ITPRID2: variants seen among roughly 807,000 people sequenced by gnomAD.
The protein encoded by ITPRID2 is ITPR interacting domain containing 2, also known as protein ITPRID2.
In ITPRID2, 60 loss-of-function variants were observed where a neutral mutation model predicts 124.3. The observed-to-expected ratio is 0.48, with a 90% CI of 0.39 to 0.60. The LOEUF is 0.60. ITPRID2 is among the 20% of genes least tolerant of loss of function. ITPRID2 has a pLI of 0.00. For synonymous variants in ITPRID2, 521 were observed against 542.9 expected (o/e 0.96, Z 0.56); for missense variants, 1,553 against 1,512.2 (o/e 1.03, Z -0.45).
rs773282676 is a variant in ITPRID2 at position 181,919,277 on chromosome 2, C to T, written c.2994-19C>T. 18 of 1,613,004 alleles carry T rather than the reference C, an allele frequency of 1.1e-5. No homozygotes were observed. The highest frequency in any genetic ancestry group is 3.3e-5 in the Admixed American group (2 of 59,948). On this transcript the variant is annotated intron_variant, in intron 13 of 17. Transcript: ENST00000431877. This position sits in a 1 kb window ranked among gnomAD's most constrained non-coding sequence, Gnocchi z 4.2. Reference sequence around the variant, plus strand: ...CAAACTGCATTTTTCCAATTTTGTGCCCTTCACCATACCAATAGGTTTGAA... The same window carrying T: ...CAAACTGCATTTTTCCAATTTTGTGTCCTTCACCATACCAATAGGTTTGAA...
At chr2:181,929,130 C>T (rs1451037285) in intron 17 of ITPRID2, among the ~76,000 whole-genome samples, 2 of 151,180 alleles carry the variant, frequency 1.3e-5, no homozygotes, top group Non-Finnish European at 2.9e-5. Flanking sequence ...GCTATGTTGC[C>T]CACGCTAGTC....
Position 181,898,904 on chromosome 2 carries a change from CTCAAATTGAAA to C in ITPRID2, c.390_400del (p.Gln131LeufsTer3). ...GCCAACCACCTCCATGAAAGTGATG[CTCAAATTGAAA>C]ACTGGTATGTAGCTGTTTTGTTCTA... On this transcript the variant is annotated frameshift_variant, in exon 5 of 18. Coordinates refer to ENST00000431877, the MANE Select transcript of ITPRID2 (RefSeq NM_001130445.3). LOFTEE classifies it high-confidence loss of function. 6.2e-7 allele frequency: 1 copy of C among 1,611,888 alleles called. No individual in the cohort carries two copies. Among genetic ancestry groups the C allele is most frequent in the Non-Finnish European group, 8.5e-7 (1 of 1,178,206 alleles).
intron 15 of ITPRID2, among the ~76,000 whole-genome samples, chr2:181,921,051 A>G (rs1008694529): frequency 5.3e-5 from 8 of 152,178 alleles, no homozygotes; most frequent in African/African-American, 1.9e-4. Flanking sequence ...AGGCATGGTG[A>G]TATGTGCCTG....
chr2:181,913,759 G>A (rs1693810010), intron 9 of ITPRID2, 86 bp from the exon 10 acceptor site: 2 of 862,452 alleles, frequency 2.3e-6, no homozygotes, highest in Admixed American at 5.3e-5. Context: ...TATCTCTGTA[G>A]TAATATTGCT....
At chr2:181,909,651 A>G (rs1693443642) in intron 8 of ITPRID2, among the ~76,000 whole-genome samples, 1 of 152,194 alleles carries the variant, frequency 6.6e-6, no homozygotes, top group African/African-American at 2.4e-5. Flanking sequence ...CGTCTGATGC[A>G]CTAATTTCCA....
At chr2:181,920,795 G>T (rs1249504331) in intron 15 of ITPRID2, 133 bp downstream of exon 15, 11 of 734,502 alleles carry the variant, frequency 1.5e-5, no homozygotes, top group Non-Finnish European at 2.2e-5. Flanking sequence ...GATTGGAAGT[G>T]ACTTTCACCT....
intron 7 of ITPRID2, among the ~76,000 whole-genome samples, chr2:181,901,397 T>C (rs1414531603): frequency 6.6e-6 from 1 of 152,214 alleles, no homozygotes; most frequent in African/African-American, 2.4e-5. Flanking sequence ...AGGTATAAAA[T>C]ATATGCTTAC....
chr2:181,927,737 A>G (rs1574316251), intron 16 of ITPRID2, among the ~76,000 whole-genome samples: 1 of 152,228 alleles, frequency 6.6e-6, no homozygotes, highest in Non-Finnish European at 1.5e-5. Context: ...GTATACCTGT[A>G]TACTATTTTG....
intron 2 of ITPRID2, chr2:181,893,759 C>T (rs1691956300): frequency 6.6e-6 from 1 of 152,148 alleles, no homozygotes; most frequent in Admixed American, 6.5e-5. Flanking sequence ...AATCAATCTC[C>T]CAGTTTTCAG....
chr2:181,909,369 T>C lies in ITPRID2; in HGVS notation c.1414-530T>C, dbSNP rs185070325. 6.8e-3 allele frequency among the ~76,000 whole-genome samples: 1,041 copies of C among 152,314 alleles called. 18 individuals carry two copies. The highest frequency in any genetic ancestry group is 6.9e-3 in the Non-Finnish European group (468 of 68,018). ...ATTTTCAAAGATGCGAGACTTATAA[T>C]TACCTCAACTGTGTGTTGGTCATAA... On this transcript the variant is annotated intron_variant, in intron 8 of 17. Transcript: ENST00000431877.
At position 181,899,126 on chromosome 2, in the gene ITPRID2, A is replaced by C. The variant is rs1692455372; in HGVS notation, c.503+14A>C. 1 of 1,564,134 alleles carries C rather than the reference A, an allele frequency of 6.4e-7. No individual in the cohort carries two copies. Among genetic ancestry groups the C allele is most frequent in the Non-Finnish European group, 8.7e-7 (1 of 1,149,088 alleles). ...GACAGTTTCAAGGTAACTTATTCTG[A>C]AATTGTGTTGGAATTACATTGTGCT... On this transcript the variant is annotated intron_variant, in intron 6 of 17. Transcript: ENST00000431877.
chr2:181,924,610 A>C (rs2125113255), intron 16 of ITPRID2, among the ~76,000 whole-genome samples: 1 of 152,316 alleles, frequency 6.6e-6, no homozygotes, highest in East Asian at 1.9e-4. Context: ...TACTGCGTTC[A>C]TGGATGCATG....
At position 181,907,444 on chromosome 2, in the gene ITPRID2, T is replaced by A. The variant is rs1387810321; in HGVS notation, c.1414-2455T>A. ...ATGCAATTTTATCACTTTGGTTTAG[T>A]GGTTTTTTTTTTTTTTTATATTATG... On this transcript the variant is annotated intron_variant, in intron 8 of 17. Transcript: ENST00000431877. The surrounding 1 kb of genome is among the most constrained non-coding windows in gnomAD (Gnocchi z 5.1). Among the ~76,000 whole-genome samples, 2 of 59,492 alleles carry A rather than the reference T, an allele frequency of 3.4e-5. No individual in the cohort carries two copies. The highest frequency in any genetic ancestry group is 8.6e-5 in the Non-Finnish European group (2 of 23,150). The allele number at this position is 59,492 out of a possible 152,430, so 39.0% of individuals were successfully genotyped here. A position where few individuals can be genotyped will look rare whatever the true frequency, so the allele number is the denominator to read the frequency against.
In ITPRID2 at chr2:181,928,054, A is replaced by C. The variant is rs370948657; in HGVS notation, c.3676-107A>C. 140 of 696,632 alleles carry C rather than the reference A, an allele frequency of 2.0e-4. 1 individual carries two copies. The East Asian group carries it at 3.3e-3, about 17-fold the overall frequency. 43.2% of individuals were successfully genotyped at this position (696,632 alleles called of 1,614,324 possible). On this transcript the variant is annotated intron_variant, in intron 16 of 17. Transcript: ENST00000431877. ...TCTGTATTGCAGGGAGATTCACATG[A>C]AGGTGAAATTAAGAAATTGAATGCT...
chr2:181,899,936 T>C (rs551084608), intron 6 of ITPRID2, among the ~76,000 whole-genome samples: 2 of 152,230 alleles, frequency 1.3e-5, no homozygotes, highest in African/African-American at 4.8e-5. Context: ...TAAACTGTTA[T>C]CCAAATTATA....
chr2:181,926,368 A>G (rs1006368704), intron 16 of ITPRID2, among the ~76,000 whole-genome samples: 4 of 152,110 alleles, frequency 2.6e-5, no homozygotes, highest in East Asian at 1.9e-4. Context: ...CTTTATTCCA[A>G]TAATGCCTGT....
Position 181,913,856 on chromosome 2 carries a change from C to T in ITPRID2, c.1498C>T (p.Arg500Cys), listed in dbSNP as rs149299492. The T allele has an allele frequency of 3.7e-6, 6 of 1,612,100 alleles. No individual in the cohort carries two copies. The highest frequency in any genetic ancestry group is 1.1e-5 in the South Asian group (1 of 90,876). Residue 500 changes from arginine to cysteine, a missense_variant, in exon 10 of 18, where the codon CGT becomes TGT. By Grantham distance (180) the Arg-to-Cys change is radical (BLOSUM62 -3). Transcript: ENST00000431877. ...LTKSKRDHLL[R>C]TASQHSDSSG... ...TTTTTTATTCATAGATCATCTGTTA[C>T]GTACTGCAAGTCAGCATTCCGATAG...
intron 4 of ITPRID2, among the ~76,000 whole-genome samples, 155 bp downstream of exon 4, chr2:181,897,119 T>G (rs1022641640): frequency 1.3e-5 from 2 of 152,006 alleles, no homozygotes; most frequent in African/African-American, 4.8e-5. Flanking sequence ...TTGTTAATAA[T>G]CTAGTCATAG....
chr2:181,901,424 G>A (rs1234179855), intron 7 of ITPRID2, among the ~76,000 whole-genome samples: 1 of 152,166 alleles, frequency 6.6e-6, no homozygotes, highest in Non-Finnish European at 1.5e-5. Context: ...TTTCTTAGGA[G>A]AATTTTGAAA....
Sources: allele counts gnomAD v4.1 joint callset (sites outside exome capture counted in the v4.1 genomes callset), GRCh38; gene constraint gnomAD v4.1.1; non-coding constraint Gnocchi (gnomAD v3.1); transcripts MANE v1.5; gene names NCBI Gene and HGNC (gene_info 2026-07-23, HGNC 2026-07-21).